CTNND1: variants seen among roughly 807,000 people sequenced by gnomAD.
The protein encoded by CTNND1 is catenin delta-1.
CTNND1 carries 16 observed loss-of-function variants against 112.1 expected under a neutral mutation model. That is an observed-to-expected ratio of 0.14 (90% CI 0.10 to 0.22). The LOEUF is 0.22. Among genes scored for constraint, CTNND1 ranks in the 10% least tolerant of loss-of-function variants. CTNND1 has a pLI of 1.00. For missense variants in CTNND1, 1,008 were observed against 1,257.0 expected, an observed-to-expected ratio of 0.80 and a Z score of 3.00; for synonymous variants, 420 against 446.5, an observed-to-expected ratio of 0.94 and a Z score of 0.75.
chr11:57,771,096 C>G (rs1385808571), intron 1 of CTNND1, among the ~76,000 whole-genome samples: 1 of 149,204 alleles, frequency 6.7e-6, no homozygotes, highest in Non-Finnish European at 1.5e-5. Context: ...ACTAAGATCA[C>G]AGTTGGAAAA....
intron 1 of CTNND1, among the ~76,000 whole-genome samples, chr11:57,762,756 A>G (rs144929224): frequency 6.6e-6 from 1 of 152,314 alleles, no homozygotes; most frequent in Non-Finnish European, 1.5e-5. Flanking sequence ...ATGTTAACTG[A>G]ATTGCCATCT....
chr11:57,795,276 A>T (rs552395789), intron 4 of CTNND1, among the ~76,000 whole-genome samples: 1 of 152,364 alleles, frequency 6.6e-6, no homozygotes, highest in South Asian at 2.1e-4. Flanking sequence ...ACTGCATTTA[A>T]CACAGTTCAT....
intron 1 of CTNND1, among the ~76,000 whole-genome samples, chr11:57,776,028 G>A (rs1424521347): frequency 6.6e-6 from 1 of 152,170 alleles, no homozygotes; most frequent in South Asian, 2.1e-4. Flanking sequence ...CATTTGACAC[G>A]GAGCGGGGTA....
At chr11:57,780,900 G>A (rs1008048094) in intron 1 of CTNND1, among the ~76,000 whole-genome samples, 2 of 152,182 alleles carry the variant, frequency 1.3e-5, no homozygotes, top group Non-Finnish European at 2.9e-5. Flanking sequence ...GTGGGGGAAT[G>A]CCATAGATTG....
At chr11:57,809,727 G>T (rs1478524512) in intron 15 of CTNND1, among the ~76,000 whole-genome samples, 1 of 152,034 alleles carries the variant, frequency 6.6e-6, no homozygotes, top group Non-Finnish European at 1.5e-5. Context: ...ATTCTTTTTT[G>T]TTTGTTTGAG....
chr11:57,809,443 G>C lies in CTNND1; in HGVS notation c.2412G>C (p.Lys804Asn). The change falls in exon 15 of 21, where the codon AAG becomes AAC. Residue 804 changes from lysine to asparagine, a missense_variant. Physicochemically the swap from Lys to Asn is moderately conservative, Grantham distance 94. Transcript: ENST00000399050. ...KKLRETQGIE[K>N]LVLINKSGNR... ...TTCGAGAGACACAGGGTATTGAGAA[G>C]CTGGTGTTGATCAACAAATCAGGGT... 1.2e-6 allele frequency: 2 copies of C among 1,612,788 alleles called. No individual in the cohort carries two copies. Among genetic ancestry groups the C allele is most frequent in the Non-Finnish European group, 1.7e-6 (2 of 1,179,304 alleles).
chr11:57,772,555 A>T (rs1952961904), intron 1 of CTNND1, among the ~76,000 whole-genome samples: 1 of 151,938 alleles, frequency 6.6e-6, no homozygotes, highest in African/African-American at 2.4e-5. Context: ...CCTGAAACTA[A>T]CTTTCCTTAT....
At chr11:57,807,082 C>A in intron 12 of CTNND1, 99 bp downstream of exon 12, 1 of 921,354 alleles carries the variant, frequency 1.1e-6, no homozygotes, top group Non-Finnish European at 1.7e-6. Context: ...CGTTTATTGT[C>A]CTCTCTTTTC....
At position 57,796,500 on chromosome 11, in the gene CTNND1, C is replaced by A. The variant is rs765227430; in HGVS notation, c.464C>A (p.Pro155Gln). The change falls in exon 6 of 21, where the codon CCA (proline) becomes CAA (glutamine). Residue 155 changes from proline to glutamine, a missense_variant. Physicochemically the swap from Pro to Gln is moderately conservative, Grantham distance 76. Around this residue, in one of 5 missense-constraint regions of CTNND1, gnomAD observed 404 missense variants for 457.9 expected, o/e 0.88. Transcript: ENST00000399050. ...VKTVTTRTVQ[P>Q]VAMGPDGLPV... is the part of the protein sequence containing the mutation. ...ACTGTGACAACACGGACAGTACAGCCAGTCGCTATGGGACCAGACGGGTTG... is the reference window on the plus strand; with the variant it reads ...ACTGTGACAACACGGACAGTACAGCAAGTCGCTATGGGACCAGACGGGTTG... 1 of 1,613,556 alleles carries A rather than the reference C, an allele frequency of 6.2e-7. No homozygotes were observed. The highest frequency in any genetic ancestry group is 1.3e-5 in the African/African-American group (1 of 74,928).
At chr11:57,809,598 C>G (rs1230119392) in intron 15 of CTNND1, 132 bp downstream of exon 15, 1 of 756,026 alleles carries the variant, frequency 1.3e-6, no homozygotes, top group African/African-American at 1.8e-5. Flanking sequence ...GCTCTATTAT[C>G]TGTCTTAATG....
intron 16 of CTNND1, among the ~76,000 whole-genome samples, chr11:57,811,179 T>C (rs1222217184): frequency 6.6e-6 from 1 of 152,156 alleles, no homozygotes; most frequent in Non-Finnish European, 1.5e-5. Flanking sequence ...CTTCTGATAG[T>C]GTCAATATTT....
At chr11:57,797,116 T>G in intron 6 of CTNND1, 124 bp downstream of exon 6, 1 of 765,026 alleles carries the variant, frequency 1.3e-6, no homozygotes, top group African/African-American at 1.8e-5. Flanking sequence ...CCTCTGCTTT[T>G]TTTTGGGGTG....
In CTNND1 at chr11:57,788,213, G is replaced by C. The variant is rs1435363160; in HGVS notation, c.-213-824G>C. ...CTTAAGAAATGGAGATGAAAGGGGA[G>C]CACCTTTTTTTTTAAAATAAGGGTG... On this transcript the variant is annotated intron_variant, in intron 1 of 20. Coordinates refer to ENST00000399050, the MANE Select transcript of CTNND1 (RefSeq NM_001085458.2). The surrounding 1 kb of genome is among the most constrained non-coding windows in gnomAD (Gnocchi z 4.1). Among the ~76,000 whole-genome samples the C allele has an allele frequency of 6.6e-6, 1 of 152,074 alleles. No homozygotes were observed. The highest frequency in any genetic ancestry group is 1.5e-5 in the Non-Finnish European group (1 of 68,002).
rs1161141310 is a variant in CTNND1 at position 57,788,040 on chromosome 11, G to T, written c.-213-997G>T. Among the ~76,000 whole-genome samples the T allele has an allele frequency of 6.6e-6, 1 of 152,204 alleles. No individual in the cohort carries two copies. Among genetic ancestry groups the T allele is most frequent in the Admixed American group, 6.5e-5 (1 of 15,280 alleles). ...AGTAATTTGGGCTTTTATTAGCAAA[G>T]AAGATTATAGGGTGGATGCTGCTGG... is the stretch of plus-strand genomic sequence containing the variant. On this transcript the variant is annotated intron_variant, in intron 1 of 20. Transcript: ENST00000399050. This position sits in a 1 kb window ranked among gnomAD's most constrained non-coding sequence, Gnocchi z 4.1.
intron 2 of CTNND1, among the ~76,000 whole-genome samples, chr11:57,790,316 T>A (rs1743959286): frequency 6.6e-6 from 1 of 151,824 alleles, no homozygotes; most frequent in African/African-American, 2.4e-5. Flanking sequence ...CCTCAAGTGA[T>A]CCACCCACCT....
At chr11:57,812,362 A>G (rs1330500320) in intron 17 of CTNND1, among the ~76,000 whole-genome samples, 1 of 152,124 alleles carries the variant, frequency 6.6e-6, no homozygotes, top group South Asian at 2.1e-4. Flanking sequence ...TCTACTAAAA[A>G]TACAAAAATT....
chr11:57,810,118 A>G lies in CTNND1; in HGVS notation c.2445A>G (p.Ser815=). 1 of 1,609,100 alleles carries G rather than the reference A, an allele frequency of 6.2e-7. No individual in the cohort carries two copies. Among genetic ancestry groups the G allele is most frequent in the East Asian group, 2.2e-5 (1 of 44,758 alleles). ...TTACTTTCCTCCAAAGGAACCGCTCAGAAAAAGAAGTTCGAGCAGCAGCAC... is the reference window on the plus strand; with the variant it reads ...TTACTTTCCTCCAAAGGAACCGCTCGGAAAAAGAAGTTCGAGCAGCAGCAC... ...LVLINKSGNR[S]EKEVRAAALV... Residue 815 remains serine (S), a synonymous_variant, in exon 16 of 21, where the codon TCA becomes TCG. Transcript: ENST00000399050.
Position 57,801,892 on chromosome 11 carries a change from C to G in CTNND1, c.1116C>G (p.Ile372Met), listed in dbSNP as rs768894021. 6.2e-7 allele frequency: 1 copy of G among 1,614,000 alleles called. No individual in the cohort carries two copies. The highest frequency in any genetic ancestry group is 1.7e-5 in the Admixed American group (1 of 60,016). Reference protein sequence around the residue: ...NWRQPELPEVIAMLGFRLDAV... With the variant: ...NWRQPELPEVMAMLGFRLDAV... ...GACAGCCAGAGCTGCCAGAGGTGAT[C>G]GCCATGCTTGGATTCCGCTTGGATG... is the stretch of plus-strand genomic sequence containing the variant. Residue 372 changes from isoleucine (I) to methionine (M), a missense_variant, in exon 7 of 21, where the codon ATC becomes ATG. Physicochemically the swap from Ile to Met is conservative, Grantham distance 10. Around this residue, in one of 5 missense-constraint regions of CTNND1, gnomAD observed 216 missense variants for 342.8 expected, o/e 0.63. Transcript: ENST00000399050.
chr11:57,803,255 C>T (rs1241643708), intron 7 of CTNND1, among the ~76,000 whole-genome samples: 1 of 152,116 alleles, frequency 6.6e-6, no homozygotes, highest in Non-Finnish European at 1.5e-5. Context: ...CTACAGGTGC[C>T]CGCCACCACG....
Sources: allele counts gnomAD v4.1 joint callset (sites outside exome capture counted in the v4.1 genomes callset), GRCh38; gene constraint gnomAD v4.1.1; regional missense constraint gnomAD v4.1.1; non-coding constraint Gnocchi (gnomAD v3.1); transcripts MANE v1.5; gene names NCBI Gene and HGNC (gene_info 2026-07-23, HGNC 2026-07-21).